Variants in PLPPR1 observed in about 807,000 individuals in gnomAD.
PLPPR1 encodes phospholipid phosphatase related 1, also known as phospholipid phosphatase-related protein type 1.
Under a neutral mutation model 33.1 loss-of-function variants are expected in PLPPR1, and 10 were observed. The ratio of observed to expected loss-of-function variants is 0.30; its 90% CI spans 0.19 to 0.51. PLPPR1 has a LOEUF of 0.51. Among genes scored for constraint, PLPPR1 ranks in the 20% least tolerant of loss-of-function variants. The pLI, the probability that PLPPR1 is intolerant of heterozygous loss-of-function variation, is 0.97. For missense variants in PLPPR1, 304 were observed against 408.1 expected (o/e 0.74, Z 2.20); for synonymous variants, 151 against 151.0 (o/e 1.00, Z 0.00).
At chr9:101,131,196 G>A (rs530004434) in intron 1 of PLPPR1, among the ~76,000 whole-genome samples, 1 of 152,236 alleles carries the variant, frequency 6.6e-6, no homozygotes, top group Admixed American at 6.5e-5. Context: ...CCCTGGTACA[G>A]CATTCTGTAA....
intron 6 of PLPPR1, among the ~76,000 whole-genome samples, chr9:101,314,465 G>A (rs1244207310): frequency 2.6e-5 from 4 of 152,188 alleles, no homozygotes; most frequent in African/African-American, 9.7e-5. Flanking sequence ...CAGAGATAAT[G>A]CAGCTTTGGT....
At chr9:101,290,102 A>G (rs1828467702) in intron 4 of PLPPR1, among the ~76,000 whole-genome samples, 1 of 152,220 alleles carries the variant, frequency 6.6e-6, no homozygotes, top group Non-Finnish European at 1.5e-5. Flanking sequence ...TTTTTTCACA[A>G]GAAAGGGTAC....
At chr9:101,300,425 C>T (rs1179539452) in intron 4 of PLPPR1, among the ~76,000 whole-genome samples, 2 of 152,150 alleles carry the variant, frequency 1.3e-5, no homozygotes, top group Admixed American at 6.5e-5. Context: ...CCAGCCTCAG[C>T]CTTCCAGAGT....
intron 2 of PLPPR1, among the ~76,000 whole-genome samples, chr9:101,248,668 T>A (rs1181717635): frequency 6.6e-6 from 1 of 152,068 alleles, no homozygotes; most frequent in African/African-American, 2.4e-5. Context: ...TCCTTTCCCC[T>A]ATCATGTGTA....
chr9:101,041,240 G>A (rs1003433248), intron 1 of PLPPR1, among the ~76,000 whole-genome samples: 2 of 152,170 alleles, frequency 1.3e-5, no homozygotes, highest in African/African-American at 4.8e-5. Context: ...CTTTCTTCTT[G>A]ATGGAGCTGA....
intron 2 of PLPPR1, among the ~76,000 whole-genome samples, chr9:101,194,709 C>T (rs969521238): frequency 1.7e-4 from 25 of 149,368 alleles, no homozygotes; most frequent in African/African-American, 5.2e-4. Context: ...CGAGATAGAG[C>T]GCCGTTGCAC....
At chr9:101,066,207 C>G (rs1488983461) in intron 1 of PLPPR1, among the ~76,000 whole-genome samples, 4 of 151,992 alleles carry the variant, frequency 2.6e-5, no homozygotes, top group Non-Finnish European at 5.9e-5. Context: ...GATATTTTCT[C>G]ATGAGTAACA....
chr9:101,303,544 G>A (rs941463179), intron 4 of PLPPR1, among the ~76,000 whole-genome samples: 2 of 151,882 alleles, frequency 1.3e-5, no homozygotes, highest in African/African-American at 2.4e-5. Context: ...CAGGTGATCC[G>A]CCTGCCTCGG....
intron 1 of PLPPR1, among the ~76,000 whole-genome samples, chr9:101,034,834 A>G (rs2118403582): frequency 6.6e-6 from 1 of 152,084 alleles, no homozygotes; most frequent in East Asian, 1.9e-4. Flanking sequence ...GGGGTTGGTT[A>G]TAAATAGTTG....
Position 101,086,286 on chromosome 9 carries a change from G to A in PLPPR1, c.-46+57184G>A, listed in dbSNP as rs537630306. Among the ~76,000 whole-genome samples, 136 of 152,302 alleles carry A rather than the reference G, an allele frequency of 8.9e-4. No individual in the cohort carries two copies. In the Middle Eastern group the frequency reaches 0.01, roughly 12 times the overall value. Reference sequence around the variant, plus strand: ...ACTGGGGATCGGCACTTATGGAAGAGGTGGGAGGAAGCAAGATTAGGCAGG... The same window carrying A: ...ACTGGGGATCGGCACTTATGGAAGAAGTGGGAGGAAGCAAGATTAGGCAGG... On this transcript the variant is annotated intron_variant, in intron 1 of 7. Coordinates refer to ENST00000374874, the MANE Select transcript of PLPPR1 (RefSeq NM_207299.2).
chr9:101,111,182 A>G (rs1045971179), intron 1 of PLPPR1, among the ~76,000 whole-genome samples: 3 of 152,112 alleles, frequency 2.0e-5, no homozygotes, highest in African/African-American at 7.2e-5. Flanking sequence ...TTTTATTTTT[A>G]AATCTATGTT....
chr9:101,073,041 A>G (rs1830498856), intron 1 of PLPPR1, among the ~76,000 whole-genome samples: 1 of 152,234 alleles, frequency 6.6e-6, no homozygotes, highest in African/African-American at 2.4e-5. Context: ...TGACAAATGC[A>G]GAAAATCAAA....
At chr9:101,087,204 A>AT (rs201952927) in intron 1 of PLPPR1, among the ~76,000 whole-genome samples, 2,930 of 151,562 alleles carry the variant, frequency 0.019, 63 homozygotes, top group African/African-American at 0.051. Context: ...ATAAAATAAA[A>AT]ATAAAAAAAA....
chr9:101,293,178 A>C (rs1828551596), intron 4 of PLPPR1, among the ~76,000 whole-genome samples: 1 of 151,784 alleles, frequency 6.6e-6, no homozygotes, highest in East Asian at 1.9e-4. Context: ...ACAGACTGTA[A>C]ACCAACAAAG....
intron 7 of PLPPR1, among the ~76,000 whole-genome samples, chr9:101,322,984 AC>A (rs1422691400): frequency 1.3e-5 from 2 of 151,994 alleles, no homozygotes; most frequent in African/African-American, 4.8e-5. Flanking sequence ...CTAAAAACAA[AC>A]CCCCCAAAAA....
chr9:101,286,273 A>T (rs778971320), intron 4 of PLPPR1, 37 bp downstream of exon 4: 2 of 1,559,204 alleles, frequency 1.3e-6, no homozygotes, highest in Non-Finnish European at 1.7e-6. Flanking sequence ...GCTCTCACAT[A>T]AAAGTAAAAT....
chr9:101,275,618 A>G (rs1487433545), intron 3 of PLPPR1, among the ~76,000 whole-genome samples: 1 of 152,146 alleles, frequency 6.6e-6, no homozygotes, highest in Non-Finnish European at 1.5e-5. Context: ...CTTCTGAATA[A>G]ACTCATACAC....
At chr9:101,179,288 G>GA (rs574173804) in intron 1 of PLPPR1, among the ~76,000 whole-genome samples, 2 of 152,028 alleles carry the variant, frequency 1.3e-5, no homozygotes, top group Non-Finnish European at 2.9e-5. Flanking sequence ...ACACCATCAG[G>GA]AAAAAAAGCA....
chr9:101,095,448 C>A (rs772575519), intron 1 of PLPPR1, among the ~76,000 whole-genome samples: 5 of 152,162 alleles, frequency 3.3e-5, no homozygotes, highest in Non-Finnish European at 7.3e-5. Context: ...ATAAATGGAG[C>A]TTGGCTGCCA....
Sources: gnomAD v4.1 joint callset for allele counts (sites outside exome capture counted in the v4.1 genomes callset) on GRCh38, gnomAD v4.1.1 for gene constraint, MANE v1.5 for transcripts, NCBI Gene and HGNC (gene_info 2026-07-23, HGNC 2026-07-21) for gene names.